Variants in EPS15L1 observed in about 807,000 individuals in gnomAD.
EPS15L1 encodes epidermal growth factor receptor pathway substrate 15 like 1, also known as epidermal growth factor receptor substrate 15-like 1.
EPS15L1 carries 43 observed loss-of-function variants against 117.1 expected under a neutral mutation model. The observed-to-expected ratio is 0.37, with a 90% CI of 0.29 to 0.47. The LOEUF (loss-of-function observed/expected upper bound fraction) is 0.47. EPS15L1 is among the 20% of genes least tolerant of loss of function. The pLI is 0.99. For missense variants in EPS15L1, 981 were observed against 1,164.0 expected, an observed-to-expected ratio of 0.84 and a Z score of 2.29; for synonymous variants, 459 against 470.5, an observed-to-expected ratio of 0.98 and a Z score of 0.32.
intron 19 of EPS15L1, 123 bp downstream of exon 19, chr19:16,392,181 C>A (rs1184411869): frequency 1.1e-5 from 12 of 1,109,580 alleles, no homozygotes; most frequent in Non-Finnish European, 1.4e-5. Flanking sequence ...AGAACAGACA[C>A]CATGGCCCAC....
intron 17 of EPS15L1, 33 bp from the exon 18 acceptor site, chr19:16,394,034 T>A: frequency 6.2e-7 from 1 of 1,611,186 alleles, no homozygotes; most frequent in Non-Finnish European, 8.5e-7. Flanking sequence ...GCTTATTAGC[T>A]CTAGGGCACA....
intron 1 of EPS15L1, among the ~76,000 whole-genome samples, chr19:16,453,447 C>T (rs1430574252): frequency 6.6e-6 from 1 of 152,138 alleles, no homozygotes; most frequent in Non-Finnish European, 1.5e-5. Flanking sequence ...GGCACAGTGG[C>T]TCATGCCTGT....
chr19:16,460,270 C>T (rs1238783128), intron 1 of EPS15L1, among the ~76,000 whole-genome samples: 1 of 152,088 alleles, frequency 6.6e-6, no homozygotes, highest in South Asian at 2.1e-4. Flanking sequence ...GGCGACAGAG[C>T]CTGTCTCTAA....
At position 16,395,426 on chromosome 19, in the gene EPS15L1, G is replaced by A. The variant is rs1419553388; in HGVS notation, c.1833C>T (p.Asn611=). 6.2e-7 allele frequency: 1 copy of A among 1,613,678 alleles called. No individual in the cohort carries two copies. The highest frequency in any genetic ancestry group is 8.5e-7 in the Non-Finnish European group (1 of 1,179,598). The change falls in exon 17 of 24, where the codon AAC becomes AAT. Residue 611 remains asparagine, a synonymous_variant. Coordinates refer to ENST00000455140, the MANE Select transcript of EPS15L1 (RefSeq NM_001258374.3). Reference sequence around the variant, plus strand: ...AAGGATCCGGATGCAACTCTTGCGTGTTGTTGCTAAATAACAAGGCTTTAT... The same window carrying A: ...AAGGATCCGGATGCAACTCTTGCGTATTGTTGCTAAATAACAAGGCTTTAT... ...FKNKALLFSN[N]TQELHPDPFQ... is the part of the protein sequence containing the mutation.
Position 16,413,897 on chromosome 19 carries a change from C to A in EPS15L1, c.1194-52G>T. 2.8e-6 allele frequency: 4 copies of A among 1,414,144 alleles called. No individual in the cohort carries two copies. The South Asian group carries it at 4.6e-5, about 16-fold the overall frequency. The allele number at this position is 1,414,144 out of a possible 1,614,324, so 87.6% of individuals were successfully genotyped here. On this transcript the variant is annotated intron_variant, in intron 12 of 23. Transcript: ENST00000455140. ...AACAAGAGTGAATAATAAGCCTCCACCCCTTCCCAAGGCCTGATTCTGTTC... is the reference window on the plus strand; with the variant it reads ...AACAAGAGTGAATAATAAGCCTCCAACCCTTCCCAAGGCCTGATTCTGTTC...
intron 7 of EPS15L1, among the ~76,000 whole-genome samples, chr19:16,430,318 C>T (rs1316937390): frequency 6.6e-6 from 1 of 152,184 alleles, no homozygotes; most frequent in Non-Finnish European, 1.5e-5. Context: ...GTGAAGAGGG[C>T]AGGCTCTAGG....
chr19:16,374,822 A>G (rs532866310), intron 22 of EPS15L1, among the ~76,000 whole-genome samples: 4 of 152,272 alleles, frequency 2.6e-5, no homozygotes, highest in Non-Finnish European at 4.4e-5. Flanking sequence ...ACACGTATGT[A>G]AGCACAGAGT....
chr19:16,426,491 T>G (rs1235221387), intron 8 of EPS15L1, among the ~76,000 whole-genome samples: 1 of 151,880 alleles, frequency 6.6e-6, no homozygotes, highest in African/African-American at 2.4e-5. Context: ...AAAAAAAAAT[T>G]AGCTGGCTGT....
At chr19:16,420,407 G>A (rs976426399) in intron 10 of EPS15L1, among the ~76,000 whole-genome samples, 10 of 152,242 alleles carry the variant, frequency 6.6e-5, no homozygotes, top group African/African-American at 2.4e-4. Context: ...GGGACACTGT[G>A]TTTTGTTGGT....
chr19:16,437,161 C>T (rs1267368896), intron 5 of EPS15L1, 162 bp from the exon 6 acceptor site: 21 of 608,418 alleles, frequency 3.5e-5, no homozygotes, highest in East Asian at 2.2e-4. Flanking sequence ...TCCACTCCTA[C>T]GTATTGACCC....
At chr19:16,367,644 T>A (rs2092155402) in intron 22 of EPS15L1, among the ~76,000 whole-genome samples, 1 of 151,654 alleles carries the variant, frequency 6.6e-6, no homozygotes, top group African/African-American at 2.4e-5. Context: ...GGGCTGGCTC[T>A]GCTGCACTAG....
At chr19:16,452,128 G>C (rs1285692395) in intron 1 of EPS15L1, among the ~76,000 whole-genome samples, 1 of 146,050 alleles carries the variant, frequency 6.8e-6, no homozygotes. Context: ...TACAGAGTGA[G>C]ACTTCGTCTC....
intron 1 of EPS15L1, among the ~76,000 whole-genome samples, chr19:16,464,657 G>A (rs377700478): frequency 6.6e-6 from 1 of 152,092 alleles, no homozygotes; most frequent in African/African-American, 2.4e-5. Context: ...ATTCCCCATG[G>A]CCTAGACCAG....
Position 16,417,629 on chromosome 19 carries a change from T to C in EPS15L1, c.1116A>G (p.Ser372=). 1.2e-6 allele frequency: 2 copies of C among 1,614,060 alleles called. No homozygotes were observed. Among genetic ancestry groups the C allele is most frequent in the Non-Finnish European group, 1.7e-6 (2 of 1,179,892 alleles). ...TAAACTCCCCGGAGCCGAGAGAGCC[T>C]GAACTGTCCTAGAATTGAATTCAGA... ...SERGTPGPDS[S]GSLGSGEFTG... is the part of the protein sequence containing the mutation. The change falls in exon 12 of 24, where the codon TCA becomes TCG. Residue 372 remains serine, a synonymous_variant. Transcript: ENST00000455140.
At chr19:16,422,681 G>A (rs1050487121) in intron 9 of EPS15L1, among the ~76,000 whole-genome samples, 1 of 152,160 alleles carries the variant, frequency 6.6e-6, no homozygotes, top group African/African-American at 2.4e-5. Context: ...CTTAGGCTGG[G>A]TGCAGTGGCT....
intron 7 of EPS15L1, among the ~76,000 whole-genome samples, chr19:16,432,804 A>G (rs1341584905): frequency 1.3e-5 from 2 of 151,928 alleles, no homozygotes; most frequent in African/African-American, 4.8e-5. Context: ...AAAATTAATT[A>G]TTATTATTAT....
chr19:16,369,114 C>T (rs2092183435), intron 22 of EPS15L1, among the ~76,000 whole-genome samples: 1 of 152,206 alleles, frequency 6.6e-6, no homozygotes, highest in African/African-American at 2.4e-5. Flanking sequence ...CTTCCTCTGG[C>T]TCCCATCTAA....
At position 16,405,388 on chromosome 19, in the gene EPS15L1, G is replaced by A. The variant is rs1370320432; in HGVS notation, c.1267-639C>T. On this transcript the variant is annotated intron_variant, in intron 13 of 23. Coordinates refer to ENST00000455140, the MANE Select transcript of EPS15L1 (RefSeq NM_001258374.3). The surrounding 1 kb of genome is among the most constrained non-coding windows in gnomAD (Gnocchi z 4.0). ...GTGGGGAGCCCGGTGGGATGTGTGAGTGTGGGAGGCGGGACATCATGATTC... is the reference window on the plus strand; with the variant it reads ...GTGGGGAGCCCGGTGGGATGTGTGAATGTGGGAGGCGGGACATCATGATTC... Among the ~76,000 whole-genome samples the A allele has an allele frequency of 6.6e-6, 1 of 152,208 alleles. No individual in the cohort carries two copies. The highest frequency in any genetic ancestry group is 2.4e-5 in the African/African-American group (1 of 41,448).
chr19:16,363,264 C>G (rs980874275), intron 22 of EPS15L1, among the ~76,000 whole-genome samples: 1 of 152,158 alleles, frequency 6.6e-6, no homozygotes, highest in Non-Finnish European at 1.5e-5. Context: ...ACGATTCCGG[C>G]GTGTTAACTC....
Sources: gnomAD v4.1 joint callset for allele counts (sites outside exome capture counted in the v4.1 genomes callset) on GRCh38, gnomAD v4.1.1 for gene constraint, Gnocchi (gnomAD v3.1) non-coding constraint, MANE v1.5 for transcripts, NCBI Gene and HGNC (gene_info 2026-07-23, HGNC 2026-07-21) for gene names.